The following ME2 variants were observed in gnomAD, a reference collection of about 807,000 sequenced individuals.
ME2 encodes malic enzyme 2.
ME2 carries 60 observed loss-of-function variants against 73.7 expected under a neutral mutation model. The ratio of observed to expected loss-of-function variants is 0.81; its 90% confidence interval spans 0.66 to 1.01. The LOEUF (loss-of-function observed/expected upper bound fraction) is 1.01, where lower values mean the gene tolerates loss of function less well. Among genes scored for constraint, ME2 ranks in the 50% least tolerant of loss-of-function variants. ME2 has a pLI of 0.00. For missense variants in ME2, 594 were observed against 705.5 expected (o/e 0.84, Z 1.79); for synonymous variants, 199 against 236.9 (o/e 0.84, Z 1.47).
chr18:50,949,756 T>C lies in ME2; in HGVS notation c.*2572T>C, dbSNP rs552635306. ...AAGGAAAAAAATAGGCTAAATGGCA[T>C]ATAGCCTGCTTAAATAAAATAATTC... On this transcript the variant is annotated 3_prime_UTR_variant, in exon 16 of 16. Coordinates refer to ENST00000321341, the MANE Select transcript of ME2 (RefSeq NM_002396.5). 1 of 152,358 alleles carries C rather than the reference T, an allele frequency of 6.6e-6. No homozygotes were observed. Among genetic ancestry groups the C allele is most frequent in the African/African-American group, 2.4e-5 (1 of 41,590 alleles). The allele number at this position is 152,358 out of a possible 1,614,324, so 9.4% of individuals were successfully genotyped here.
At chr18:50,897,715 C>T (rs1161028641) in intron 2 of ME2, among the ~76,000 whole-genome samples, 1 of 152,084 alleles carries the variant, frequency 6.6e-6, no homozygotes, top group Admixed American at 6.6e-5. Flanking sequence ...ACATAATTAG[C>T]TGAGTGTGGT....
intron 14 of ME2, 128 bp downstream of exon 14, chr18:50,939,768 C>T: frequency 1.3e-5 from 8 of 638,910 alleles, no homozygotes; most frequent in Non-Finnish European, 2.1e-5. Context: ...ACTCAAATTA[C>T]TTTTATGATT....
Position 50,918,703 on chromosome 18 carries a change from T to TC in ME2, c.734+490_734+491insC, listed in dbSNP as rs372567478. 7.9e-4 allele frequency among the ~76,000 whole-genome samples: 34 copies of TC among 42,782 alleles called. 1 individual carries two copies. Among genetic ancestry groups the TC allele is most frequent in the East Asian group, 3.8e-3 (5 of 1,306 alleles). 28.1% of individuals were successfully genotyped at this position (42,782 alleles called of 152,430 possible). On this transcript the variant is annotated intron_variant, in intron 7 of 15. Transcript: ENST00000321341. ...ACTTGGTCTTTCTCCCACCTTTCTC[T>TC]TTTTTTTTTTTTTTGTCATCTTCAC... is the stretch of plus-strand genomic sequence containing the variant.
rs1330205083 is a variant in ME2 at position 50,893,136 on chromosome 18, A to C, written c.-12-2673A>C. ...TAAGACTCTATCTCAAAAAAAAAAAAAAAAAAAAAAAAAAAACACCTTTAA... is the reference window on the plus strand; with the variant it reads ...TAAGACTCTATCTCAAAAAAAAAAACAAAAAAAAAAAAAAAACACCTTTAA... On this transcript the variant is annotated intron_variant, in intron 1 of 15. Transcript: ENST00000321341. 4.0e-5 allele frequency among the ~76,000 whole-genome samples: 6 copies of C among 150,442 alleles called. No individual in the cohort carries two copies. In the East Asian group the frequency reaches 9.7e-4, roughly 24 times the overall value.
chr18:50,880,673 C>T (rs1916297594), intron 1 of ME2, among the ~76,000 whole-genome samples: 1 of 152,182 alleles, frequency 6.6e-6, no homozygotes, highest in Admixed American at 6.5e-5. Context: ...CCACCTTGAC[C>T]TTCCAAAGTG....
chr18:50,882,237 A>C (rs1319594233), intron 1 of ME2, among the ~76,000 whole-genome samples: 2 of 152,060 alleles, frequency 1.3e-5, no homozygotes. Flanking sequence ...GAGCTCAAGC[A>C]ACCCACCCAC....
rs183983468 is a variant in ME2 at position 50,903,113 on chromosome 18, G to C, written c.109-4950G>C. Among the ~76,000 whole-genome samples the C allele has an allele frequency of 2.2e-4, 34 of 152,252 alleles. No individual in the cohort carries two copies. In the East Asian group the frequency reaches 6.2e-3, roughly 28 times the overall value. ...ATTGCTGTTGCATAGATGAGAAAAA[G>C]GGAGACTTGGGAAAAGTGGCAAAGG... On this transcript the variant is annotated intron_variant, in intron 2 of 15. Transcript: ENST00000321341.
intron 1 of ME2, among the ~76,000 whole-genome samples, chr18:50,880,873 A>C (rs570082113): frequency 6.6e-6 from 1 of 152,326 alleles, no homozygotes; most frequent in East Asian, 1.9e-4. Flanking sequence ...TTTGTCTTTT[A>C]ATATATTTAT....
chr18:50,923,787 T>C (rs1917481949), intron 10 of ME2, among the ~76,000 whole-genome samples: 1 of 152,118 alleles, frequency 6.6e-6, no homozygotes, highest in African/African-American at 2.4e-5. Flanking sequence ...ATTCCAAAAC[T>C]CATCTACCCC....
chr18:50,950,484 T>C lies in ME2; in HGVS notation c.*3300T>C, dbSNP rs1011227413. 4 of 142,072 alleles carry C rather than the reference T, an allele frequency of 2.8e-5. 1 individual carries two copies. In the South Asian group the frequency reaches 7.0e-4, roughly 25 times the overall value. 8.8% of individuals were successfully genotyped at this position (142,072 alleles called of 1,614,324 possible). ...AGATTCTGCTTTTTTTTTTTTTTTT[T>C]TTTTTTTTTTTAAACAGGGTCTCTT... On this transcript the variant is annotated 3_prime_UTR_variant, in exon 16 of 16. Coordinates refer to ENST00000321341, the MANE Select transcript of ME2 (RefSeq NM_002396.5).
intron 3 of ME2, among the ~76,000 whole-genome samples, chr18:50,908,630 C>T (rs1242270954): frequency 6.6e-6 from 1 of 152,014 alleles, no homozygotes. Context: ...CAAAGCTACC[C>T]CTGGCAAACT....
chr18:50,895,542 G>T (rs1916718241), intron 1 of ME2, among the ~76,000 whole-genome samples: 1 of 152,192 alleles, frequency 6.6e-6, no homozygotes, highest in Admixed American at 6.5e-5. Context: ...TGCATACCTT[G>T]CCACACTTGT....
At chr18:50,929,621 A>G (rs982598452) in intron 12 of ME2, among the ~76,000 whole-genome samples, 2 of 152,170 alleles carry the variant, frequency 1.3e-5, no homozygotes, top group Non-Finnish European at 2.9e-5. Context: ...AATTGATATA[A>G]TAATTATTGA....
chr18:50,890,247 A>AAAACC (rs1170427427), intron 1 of ME2, among the ~76,000 whole-genome samples: 1 of 152,080 alleles, frequency 6.6e-6, no homozygotes, highest in Non-Finnish European at 1.5e-5. Flanking sequence ...TTCAGAAGAG[A>AAAACC]AAACCAAATT....
rs1382913585 is a variant in ME2 at position 50,952,922 on chromosome 18, GAC to G, written c.*5740_*5741del. On this transcript the variant is annotated 3_prime_UTR_variant, in exon 16 of 16. Transcript: ENST00000321341. Reference sequence around the variant, plus strand: ...CCTCTGTTTCTGTGCCTGATTTACAGACAGAGACAGAGGCACAGAGAGGTTAA... The same window carrying G: ...CCTCTGTTTCTGTGCCTGATTTACAGAGAGACAGAGGCACAGAGAGGTTAA... 6.6e-6 allele frequency: 1 copy of G among 152,044 alleles called. No individual in the cohort carries two copies. Among genetic ancestry groups the G allele is most frequent in the Non-Finnish European group, 1.5e-5 (1 of 68,010 alleles). 9.4% of individuals were successfully genotyped at this position (152,044 alleles called of 1,614,324 possible).
In ME2 at chr18:50,921,697, C is replaced by CT. The variant is rs551033457; in HGVS notation, c.1056+511dup. Among the ~76,000 whole-genome samples, 22 of 152,248 alleles carry CT rather than the reference C, an allele frequency of 1.4e-4. No individual in the cohort carries two copies. The South Asian group carries it at 4.6e-3, about 32-fold the overall frequency. ...GTTCAAGCAATTCTCCTGCCTGAGC[C>CT]TCCCGAGGCTACCGTGCCTGGCCGT... On this transcript the variant is annotated intron_variant, in intron 10 of 15. Transcript: ENST00000321341.
intron 6 of ME2, 33 bp from the exon 7 acceptor site, chr18:50,918,077 T>C (rs1316760875): frequency 7.2e-7 from 1 of 1,381,248 alleles, no homozygotes. Context: ...ATTATATAAA[T>C]TATTTTATTT....
intron 2 of ME2, among the ~76,000 whole-genome samples, chr18:50,906,895 T>G (rs1187657062): frequency 6.6e-6 from 1 of 152,196 alleles, no homozygotes; most frequent in Non-Finnish European, 1.5e-5. Flanking sequence ...CCTGGATGTG[T>G]CCACAGCTCA....
At chr18:50,885,075 C>T (rs191843548) in intron 1 of ME2, among the ~76,000 whole-genome samples, 4 of 151,930 alleles carry the variant, frequency 2.6e-5, no homozygotes, top group South Asian at 2.1e-4. Context: ...AGTCTGATCC[C>T]GAACTCCTGG....
Sources: allele counts gnomAD v4.1 joint callset (sites outside exome capture counted in the v4.1 genomes callset), GRCh38; gene constraint gnomAD v4.1.1; transcripts MANE v1.5; gene names NCBI Gene and HGNC (gene_info 2026-07-23, HGNC 2026-07-21).